The following SIAH1 variants were observed in gnomAD, a reference collection of about 807,000 sequenced individuals.
SIAH1 encodes the protein siah E3 ubiquitin protein ligase 1, also known as E3 ubiquitin-protein ligase SIAH1.
In SIAH1, 2 loss-of-function variants were observed where a neutral mutation model predicts 20.0. That is an observed-to-expected ratio of 0.10 (90% CI 0.04 to 0.31). The LOEUF (loss-of-function observed/expected upper bound fraction) is 0.31, where lower values mean the gene tolerates loss of function less well. Ranked by LOEUF, SIAH1 falls within the 10% of genes least tolerant of loss-of-function variation. The pLI is 1.00. For synonymous variants in SIAH1, 118 were observed against 125.3 expected (o/e 0.94, Z 0.39); for missense variants, 119 against 355.3 (o/e 0.33, Z 5.35).
intron 1 of SIAH1, among the ~76,000 whole-genome samples, chr16:48,378,170 G>A (rs367996493): frequency 1.3e-5 from 2 of 152,120 alleles, no homozygotes; most frequent in African/African-American, 4.8e-5. Context: ...TGACCAACAT[G>A]GAGAAACCCC....
rs34791504 is a variant in SIAH1, at chr16:48,367,880, C to T, written c.-2-5450G>A. Among the ~76,000 whole-genome samples the T allele has an allele frequency of 2.0e-3, 308 of 152,288 alleles. 3 individuals are homozygous for T. The East Asian group carries it at 0.031, about 15-fold the overall frequency. On this transcript the variant is annotated intron_variant, in intron 1 of 1. Transcript: ENST00000394725. ...AAAAATCCAAAACTTAGCAAGAATGCACTATTACCTACACTTTCTAAAGCC... is the reference window on the plus strand; with the variant it reads ...AAAAATCCAAAACTTAGCAAGAATGTACTATTACCTACACTTTCTAAAGCC...
intron 1 of SIAH1, among the ~76,000 whole-genome samples, chr16:48,379,911 C>CTTAGTA (rs145658530): frequency 6.4e-4 from 97 of 152,212 alleles, no homozygotes; most frequent in African/African-American, 2.3e-3. Context: ...TACTTACGAA[C>CTTAGTA]CATATCAAGA....
chr16:48,376,931 G>T (rs1961124526), intron 1 of SIAH1, among the ~76,000 whole-genome samples: 1 of 152,088 alleles, frequency 6.6e-6, no homozygotes, highest in African/African-American at 2.4e-5. Context: ...AACAGGGAGA[G>T]GATTACTTCA....
At chr16:48,380,928 C>CAAAAAAAAAAAAAAAAAAAAAAAAAAA (rs59376248) in intron 1 of SIAH1, among the ~76,000 whole-genome samples, 5 of 44,950 alleles carry the variant, frequency 1.1e-4, no homozygotes, top group Admixed American at 7.3e-4. Context: ...GACTCCGTCT[C>CAAAAAAAAAAAAAAAAAAAAAAAAAAA]AAAAAAAAAA....
intron 1 of SIAH1, among the ~76,000 whole-genome samples, chr16:48,375,345 TG>T (rs1214799557): frequency 6.6e-6 from 1 of 151,554 alleles, no homozygotes; most frequent in Non-Finnish European, 1.5e-5. Flanking sequence ...TTAAACGGGG[TG>T]GGGGGAGAGA....
chr16:48,377,215 C>T (rs886379493), intron 1 of SIAH1, among the ~76,000 whole-genome samples: 2 of 151,842 alleles, frequency 1.3e-5, no homozygotes, highest in Non-Finnish European at 2.9e-5. Flanking sequence ...TCCATGTGCC[C>T]GGACTCCCTG....
At chr16:48,378,594 G>A (rs1454484710) in intron 1 of SIAH1, among the ~76,000 whole-genome samples, 1 of 152,152 alleles carries the variant, frequency 6.6e-6, no homozygotes, top group East Asian at 1.9e-4. Flanking sequence ...TAGGCTAAAT[G>A]TCAACAAAAT....
chr16:48,370,065 GT>G (rs1960945148), intron 1 of SIAH1, among the ~76,000 whole-genome samples: 1 of 152,192 alleles, frequency 6.6e-6, no homozygotes, highest in Non-Finnish European at 1.5e-5. Flanking sequence ...ATTCAATGAT[GT>G]AAGTGAAAGA....
chr16:48,365,211 C>G, intron 1 of SIAH1: 1 of 650,122 alleles, frequency 1.5e-6, no homozygotes, highest in Non-Finnish European at 2.6e-6. Context: ...GAAGTCATGA[C>G]GTAACCTGAA....
At position 48,377,292 on chromosome 16, in the gene SIAH1, C is replaced by G. The variant is rs78583919; in HGVS notation, c.-3+7912G>C. Among the ~76,000 whole-genome samples, 885 of 151,828 alleles carry G rather than the reference C, an allele frequency of 5.8e-3. 9 individuals are homozygous for G. Among genetic ancestry groups the G allele is most frequent in the African/African-American group, 0.02 (835 of 41,454 alleles). On this transcript the variant is annotated intron_variant, in intron 1 of 1. Transcript: ENST00000394725. ...ACAAAACAAAAAAAACAAGTCAGTT[C>G]AAACATGACTGGGCAACCACAAACC... is the stretch of plus-strand genomic sequence containing the variant.
At chr16:48,377,906 C>T (rs8051186) in intron 1 of SIAH1, among the ~76,000 whole-genome samples, 29,035 of 151,408 alleles carry the variant, frequency 0.19, 3,242 homozygotes, top group African/African-American at 0.3. Context: ...AGTGAGATCT[C>T]GTCTCTAATA....
rs28704557 is a variant in SIAH1 at position 48,380,473 on chromosome 16, A to C, written c.-3+4731T>G. Among the ~76,000 whole-genome samples, 1,196 of 152,126 alleles carry C rather than the reference A, an allele frequency of 7.9e-3. 19 individuals carry two copies. The highest frequency in any genetic ancestry group is 0.027 in the African/African-American group (1,116 of 41,484). On this transcript the variant is annotated intron_variant, in intron 1 of 1. Coordinates refer to ENST00000394725, the MANE Select transcript of SIAH1 (RefSeq NM_003031.4). The stretch of plus-strand genomic sequence containing the variant: ...CTCCAAAAAAACAAACAAAAAAAAA[A>C]CAAAAACTCACCAATAACAAAACAA...
intron 1 of SIAH1, among the ~76,000 whole-genome samples, chr16:48,372,542 A>G (rs1402388124): frequency 6.6e-6 from 1 of 152,180 alleles, no homozygotes; most frequent in Non-Finnish European, 1.5e-5. Flanking sequence ...GCCTCTATTC[A>G]TATTTATGGC....
intron 1 of SIAH1, among the ~76,000 whole-genome samples, chr16:48,384,560 G>A (rs1022256291): frequency 1.3e-5 from 2 of 152,168 alleles, no homozygotes; most frequent in African/African-American, 2.4e-5. Flanking sequence ...ACATAAACAA[G>A]GGAGGAGGCT....
chr16:48,376,725 A>G (rs1208812621), intron 1 of SIAH1, among the ~76,000 whole-genome samples: 1 of 152,226 alleles, frequency 6.6e-6, no homozygotes, highest in Non-Finnish European at 1.5e-5. Context: ...CAAACTCAAA[A>G]GAATACAGTC....
intron 1 of SIAH1, among the ~76,000 whole-genome samples, chr16:48,377,750 T>A (rs1327366435): frequency 1.3e-5 from 2 of 151,558 alleles, no homozygotes; most frequent in African/African-American, 4.9e-5. Flanking sequence ...TCAGAAAGTA[T>A]TTGAGATGGT....
At chr16:48,371,306 T>C (rs927303103) in intron 1 of SIAH1, among the ~76,000 whole-genome samples, 4 of 152,150 alleles carry the variant, frequency 2.6e-5, no homozygotes, top group South Asian at 2.1e-4. Context: ...GCCAGATGTT[T>C]TGTTGTCTCT....
intron 1 of SIAH1, among the ~76,000 whole-genome samples, chr16:48,381,318 C>T (rs1385747324): frequency 6.6e-6 from 1 of 152,124 alleles, no homozygotes; most frequent in Non-Finnish European, 1.5e-5. Context: ...GTACTCCACC[C>T]CAGGGCACAG....
chr16:48,369,151 T>C (rs1960920872), intron 1 of SIAH1, among the ~76,000 whole-genome samples: 1 of 152,182 alleles, frequency 6.6e-6, no homozygotes, highest in Non-Finnish European at 1.5e-5. Flanking sequence ...GGACAATAAA[T>C]TAAACAATCT....
Sources: gnomAD v4.1 joint callset for allele counts (sites outside exome capture counted in the v4.1 genomes callset) on GRCh38, gnomAD v4.1.1 for gene constraint, MANE v1.5 for transcripts, NCBI Gene and HGNC (gene_info 2026-07-23, HGNC 2026-07-21) for gene names.